The following DNAH12 variants were observed in gnomAD, a reference collection of about 807,000 sequenced individuals.
The protein encoded by DNAH12 is dynein axonemal heavy chain 12.
Under a neutral mutation model 371.5 loss-of-function variants are expected in DNAH12, and 285 were observed. That is an observed-to-expected ratio of 0.77 (90% confidence interval 0.70 to 0.85). The LOEUF (loss-of-function observed/expected upper bound fraction) is 0.85, where lower values mean the gene tolerates loss of function less well. Among genes scored for constraint, DNAH12 ranks in the 40% least tolerant of loss-of-function variants. The pLI is 0.00. For synonymous variants in DNAH12, 1,200 were observed against 1,213.0 expected, an observed-to-expected ratio of 0.99 and a Z score of 0.22; for missense variants, 3,611 against 3,689.4, an observed-to-expected ratio of 0.98 and a Z score of 0.55.
chr3:57,450,110 C>CAGTG (rs113439678), intron 25 of DNAH12, among the ~76,000 whole-genome samples: 2 of 152,252 alleles, frequency 1.3e-5, no homozygotes, highest in African/African-American at 4.8e-5. Context: ...CAGCCAGGTA[C>CAGTG]AGTGGCACAT....
chr3:57,377,731 CA>C (rs1210993426), intron 52 of DNAH12, among the ~76,000 whole-genome samples: 2 of 151,966 alleles, frequency 1.3e-5, no homozygotes, highest in African/African-American at 4.8e-5. Context: ...GTTTCACTAC[CA>C]AAACTGAATT....
chr3:57,501,367 A>G lies in DNAH12; in HGVS notation c.1289T>C (p.Ile430Thr). 1 of 1,596,864 alleles carries G rather than the reference A, an allele frequency of 6.3e-7. No homozygotes were observed. The highest frequency in any genetic ancestry group is 8.5e-7 in the Non-Finnish European group (1 of 1,175,426). ...ATGATCTTCTGTCTGAAAAGTCTCT[A>G]TATTCTCAACTGCAGTCCCATCAAG... ...WLLDGTAVEN[I>T]ETFQTEDHTF... The change falls in exon 11 of 74, where the codon ATA (isoleucine) becomes ACA (threonine). Residue 430 changes from isoleucine to threonine, a missense_variant. Around this residue, in one of 3 missense-constraint regions of DNAH12, gnomAD observed 1,314 missense variants for 1,398.7 expected, o/e 0.94. Coordinates refer to ENST00000495027, the MANE Select transcript of DNAH12 (RefSeq NM_001366028.2).
chr3:57,495,547 T>G (rs1340877706), intron 11 of DNAH12, among the ~76,000 whole-genome samples: 1 of 148,616 alleles, frequency 6.7e-6, no homozygotes. Context: ...AGTATTAACC[T>G]CACTCTAGCC....
intron 55 of DNAH12, among the ~76,000 whole-genome samples, chr3:57,369,300 A>T (rs1161118797): frequency 3.3e-5 from 4 of 121,530 alleles, no homozygotes; most frequent in African/African-American, 6.3e-5. Flanking sequence ...TAGAATTTTA[A>T]TTATATATTA....
At chr3:57,367,669 G>A (rs2063080604) in intron 56 of DNAH12, among the ~76,000 whole-genome samples, 1 of 152,050 alleles carries the variant, frequency 6.6e-6, no homozygotes, top group Non-Finnish European at 1.5e-5. Flanking sequence ...TGTAATCCCA[G>A]CACTTTGGGA....
At position 57,404,950 on chromosome 3, in the gene DNAH12, C is replaced by A; in HGVS notation, c.6755+19G>T. 3 of 1,463,154 alleles carry A rather than the reference C, an allele frequency of 2.1e-6. No individual in the cohort carries two copies. The highest frequency in any genetic ancestry group is 2.7e-6 in the Non-Finnish European group (3 of 1,113,330). The allele number at this position is 1,463,154 out of a possible 1,614,324, so 90.6% of individuals were successfully genotyped here. ...TTTTACAGATAGCAATTTCAAGCAT[C>A]AACACCATATATAGGTACCTAAAAA... On this transcript the variant is annotated intron_variant, in intron 42 of 73. Transcript: ENST00000495027.
intron 50 of DNAH12, among the ~76,000 whole-genome samples, chr3:57,381,226 C>T (rs2063383146): frequency 8.7e-6 from 1 of 114,850 alleles, no homozygotes; most frequent in African/African-American, 3.0e-5. Context: ...TTCCGGAAGC[C>T]TGATAGGGAG....
chr3:57,443,975 T>C (rs1361410971), intron 29 of DNAH12, among the ~76,000 whole-genome samples: 1 of 152,136 alleles, frequency 6.6e-6, no homozygotes, highest in Non-Finnish European at 1.5e-5. Flanking sequence ...AGGCCAAGTC[T>C]GGCAGATCAC....
At position 57,502,386 on chromosome 3, in the gene DNAH12, C is replaced by T. The variant is rs758378660; in HGVS notation, c.1180G>A (p.Asp394Asn). The change falls in exon 10 of 74, where the codon GAT becomes AAT. Residue 394 changes from aspartate to asparagine, a missense_variant. Around this residue, in one of 3 missense-constraint regions of DNAH12, gnomAD observed 1,314 missense variants for 1,398.7 expected, o/e 0.94. Coordinates refer to ENST00000495027, the MANE Select transcript of DNAH12 (RefSeq NM_001366028.2). ...CGATGTACTGCTGCCTTCAGTGTAT[C>T]AACAGCCCAGTGTAACACGTGTTCA... ...LPEHVLHWAV[D>N]TLKAAVHRNL... 2 of 1,614,184 alleles carry T rather than the reference C, an allele frequency of 1.2e-6. No individual in the cohort carries two copies. Among genetic ancestry groups the T allele is most frequent in the East Asian group, 2.2e-5 (1 of 44,884 alleles).
chr3:57,365,285 G>A, intron 57 of DNAH12, among the ~76,000 whole-genome samples: 1 of 152,076 alleles, frequency 6.6e-6, no homozygotes, highest in Non-Finnish European at 1.5e-5. Flanking sequence ...GCCATAAAAA[G>A]GAACAAGATA....
chr3:57,447,336 C>T (rs1195635855), intron 25 of DNAH12, among the ~76,000 whole-genome samples: 2 of 152,040 alleles, frequency 1.3e-5, no homozygotes, highest in African/African-American at 4.8e-5. Context: ...TTCCTGGGTC[C>T]CCACAATGAC....
chr3:57,472,312 T>C (rs1283998495), intron 14 of DNAH12, among the ~76,000 whole-genome samples: 1 of 152,200 alleles, frequency 6.6e-6, no homozygotes, highest in Non-Finnish European at 1.5e-5. Flanking sequence ...CTATTATTAA[T>C]TTATATAATA....
At chr3:57,467,523 T>A (rs1198538492) in intron 17 of DNAH12, among the ~76,000 whole-genome samples, 1 of 152,168 alleles carries the variant, frequency 6.6e-6, no homozygotes, top group Non-Finnish European at 1.5e-5. Context: ...TTTAATGTAT[T>A]CATCTAGAAA....
Position 57,444,712 on chromosome 3 carries a change from A to C in DNAH12, c.4530T>G (p.Pro1510=), listed in dbSNP as rs1160370539. The C allele has an allele frequency of 6.5e-7, 1 of 1,550,124 alleles. No individual in the cohort carries two copies. Among genetic ancestry groups the C allele is most frequent in the Non-Finnish European group, 8.7e-7 (1 of 1,146,390 alleles). Reference sequence around the variant, plus strand: ...GTTTACTTACGTGATAGTCAGCTTCAGGAAGTTTAATACCAGGAAATAAGT... The same window carrying C: ...GTTTACTTACGTGATAGTCAGCTTCCGGAAGTTTAATACCAGGAAATAAGT... ...TSDLFPGIKL[P]EADYHEFLEC... Residue 1510 remains proline, a synonymous_variant, in exon 29 of 74, where the codon CCT becomes CCG. Coordinates refer to ENST00000495027, the MANE Select transcript of DNAH12 (RefSeq NM_001366028.2).
At chr3:57,489,385 C>G (rs2067039622) in intron 12 of DNAH12, 124 bp downstream of exon 12, 2 of 972,034 alleles carry the variant, frequency 2.1e-6, no homozygotes, top group African/African-American at 3.5e-5. Context: ...CTATAGGAGG[C>G]AGCTATGGAG....
chr3:57,437,210 G>A (rs1334645843), intron 29 of DNAH12, 150 bp from the exon 30 acceptor site: 1 of 628,916 alleles, frequency 1.6e-6, no homozygotes, highest in Non-Finnish European at 2.7e-6. Context: ...TTCAAATCAA[G>A]AGGAGAAACA....
chr3:57,338,429 G>A (rs1446197269), intron 60 of DNAH12, among the ~76,000 whole-genome samples: 5 of 148,784 alleles, frequency 3.4e-5, no homozygotes, highest in Non-Finnish European at 5.9e-5. Context: ...GAGCATCTCT[G>A]CCTGGCCGCC....
intron 3 of DNAH12, 71 bp from the exon 4 acceptor site, chr3:57,523,680 T>G: frequency 7.6e-7 from 1 of 1,307,964 alleles, no homozygotes; most frequent in Non-Finnish European, 1.0e-6. Flanking sequence ...TGTTTAAAAA[T>G]TAAATATATA....
At position 57,502,612 on chromosome 3, in the gene DNAH12, C is replaced by T. The variant is rs552978952; in HGVS notation, c.1087-133G>A. ...TCACCCAGGTTGGAGCGCATTGGTGCGATCTCGGCTCACTGCAACCTCCGC... is the reference window on the plus strand; with the variant it reads ...TCACCCAGGTTGGAGCGCATTGGTGTGATCTCGGCTCACTGCAACCTCCGC... On this transcript the variant is annotated intron_variant, in intron 9 of 73. Transcript: ENST00000495027. The T allele has an allele frequency of 3.1e-4, 283 of 904,174 alleles. No individual in the cohort carries two copies. The African/African-American group carries it at 4.0e-3, about 13-fold the overall frequency. The allele number at this position is 904,174 out of a possible 1,614,324, so 56.0% of individuals were successfully genotyped here. A position where few individuals can be genotyped will look rare whatever the true frequency, so the allele number is the denominator to read the frequency against.
Sources: allele counts gnomAD v4.1 joint callset (sites outside exome capture counted in the v4.1 genomes callset), GRCh38; gene constraint gnomAD v4.1.1; regional missense constraint gnomAD v4.1.1; transcripts MANE v1.5; gene names NCBI Gene and HGNC (gene_info 2026-07-23, HGNC 2026-07-21).